The following CSNK2A2IP variants were observed in gnomAD, a reference collection of about 807,000 sequenced individuals.
The protein encoded by CSNK2A2IP is casein kinase II subunit alpha'-interacting protein.
the CSNK2A2IP span, chr3:88,382,979 A>G: frequency 6.6e-6 from 1 of 152,110 alleles, no homozygotes; most frequent in African/African-American, 2.4e-5. Flanking sequence ...CTAATCTCAC[A>G]TTTCCTACTG....
chr3:88,424,182 T>C, the CSNK2A2IP span, among the ~76,000 whole-genome samples: 4 of 152,206 alleles, frequency 2.6e-5, no homozygotes, highest in Admixed American at 1.3e-4. Context: ...TGAATAAACA[T>C]CTGTCTGCTA....
the CSNK2A2IP span, among the ~76,000 whole-genome samples, chr3:88,344,412 G>T: frequency 6.6e-6 from 1 of 151,710 alleles, no homozygotes; most frequent in African/African-American, 2.4e-5. Flanking sequence ...ATAACTACAG[G>T]TTCATATTGA....
the CSNK2A2IP span, among the ~76,000 whole-genome samples, chr3:88,351,037 C>G: frequency 6.6e-6 from 1 of 152,148 alleles, no homozygotes; most frequent in Non-Finnish European, 1.5e-5. Context: ...ATTCTGGATT[C>G]TCATCTGAGG....
At chr3:88,436,941 GAA>G in the CSNK2A2IP span, among the ~76,000 whole-genome samples, 2 of 152,068 alleles carry the variant, frequency 1.3e-5, no homozygotes, top group Non-Finnish European at 2.9e-5. Flanking sequence ...TTTTTAATAG[GAA>G]AATGTGAGCA....
At chr3:88,357,864 C>T in the CSNK2A2IP span, among the ~76,000 whole-genome samples, 2,841 of 151,802 alleles carry the variant, frequency 0.019, 74 homozygotes, top group African/African-American at 0.063. Flanking sequence ...AAGCGATCCT[C>T]CCACCTCAGC....
At chr3:88,443,420 G>T in the CSNK2A2IP span, among the ~76,000 whole-genome samples, 1 of 152,172 alleles carries the variant, frequency 6.6e-6, no homozygotes, top group Non-Finnish European at 1.5e-5. Flanking sequence ...ATTGAGAAAA[G>T]AGGTGCAGAG....
the CSNK2A2IP span, among the ~76,000 whole-genome samples, chr3:88,378,581 T>A: frequency 3.3e-5 from 5 of 152,034 alleles, no homozygotes; most frequent in South Asian, 4.1e-4. Flanking sequence ...AATTAAAATT[T>A]AAATTTAAAT....
the CSNK2A2IP span, among the ~76,000 whole-genome samples, chr3:88,367,542 G>A: frequency 6.6e-6 from 1 of 152,034 alleles, no homozygotes; most frequent in Non-Finnish European, 1.5e-5. Context: ...GTTATAAGGG[G>A]TCTCCACATT....
At chr3:88,402,123 T>C in the CSNK2A2IP span, among the ~76,000 whole-genome samples, 2 of 151,962 alleles carry the variant, frequency 1.3e-5, no homozygotes, top group Admixed American at 1.3e-4. Context: ...TTTGGCAAGC[T>C]ACATCACATT....
the CSNK2A2IP span, among the ~76,000 whole-genome samples, chr3:88,355,086 G>A: frequency 7.0e-4 from 106 of 152,112 alleles, no homozygotes; most frequent in Non-Finnish European, 1.3e-3. Flanking sequence ...TGCAAAGTAA[G>A]ATACTATCTT....
chr3:88,451,097 T>G, the CSNK2A2IP span, among the ~76,000 whole-genome samples: 1 of 151,772 alleles, frequency 6.6e-6, no homozygotes, highest in Non-Finnish European at 1.5e-5. Flanking sequence ...ATATTTATTA[T>G]TTATTGAAGT....
At chr3:88,465,462 A>G in the CSNK2A2IP span, 1 of 1,231,702 alleles carries the variant, frequency 8.1e-7, no homozygotes, top group South Asian at 4.1e-5. Context: ...GTGAAAAACT[A>G]AATCAATTCA....
the CSNK2A2IP span, among the ~76,000 whole-genome samples, chr3:88,447,175 T>C: frequency 4.1e-4 from 63 of 152,146 alleles, no homozygotes; most frequent in South Asian, 2.1e-4. Context: ...TATTGAAACA[T>C]AGGTAAATAA....
the CSNK2A2IP span, among the ~76,000 whole-genome samples, chr3:88,391,023 A>G: frequency 6.6e-6 from 1 of 152,176 alleles, no homozygotes; most frequent in African/African-American, 2.4e-5. Context: ...GCTATTTTCT[A>G]GCAGTGTGAT....
the CSNK2A2IP span, among the ~76,000 whole-genome samples, chr3:88,405,849 G>C: frequency 1.9e-4 from 29 of 152,080 alleles, no homozygotes; most frequent in African/African-American, 7.0e-4. Context: ...TTCCATTAGG[G>C]AGCTTGCAGA....
chr3:88,466,812 T>C, the CSNK2A2IP span: 1 of 887,802 alleles, frequency 1.1e-6, no homozygotes, highest in Non-Finnish European at 1.5e-6. Flanking sequence ...GCCTAAAATC[T>C]CCATGTAACC....
the CSNK2A2IP span, among the ~76,000 whole-genome samples, chr3:88,345,605 T>C: frequency 6.6e-6 from 1 of 151,912 alleles, no homozygotes; most frequent in African/African-American, 2.4e-5. Flanking sequence ...TGATTAGGCC[T>C]CTTTGATGTT....
chr3:88,457,188 C>T, the CSNK2A2IP span, among the ~76,000 whole-genome samples: 1 of 151,978 alleles, frequency 6.6e-6, no homozygotes, highest in Non-Finnish European at 1.5e-5. Context: ...TATTCTGTTT[C>T]CTTAATTTTT....
At chr3:88,465,657 A>G in the CSNK2A2IP span, 1 of 1,231,626 alleles carries the variant, frequency 8.1e-7, no homozygotes. Flanking sequence ...ATCAGAACAC[A>G]CCTTCAATAG....
Sources: allele counts gnomAD v4.1 joint callset (sites outside exome capture counted in the v4.1 genomes callset), GRCh38; gene constraint gnomAD v4.1.1; transcripts MANE v1.5; gene names NCBI Gene and HGNC (gene_info 2026-07-23, HGNC 2026-07-21).